MBNL2: variants seen among roughly 807,000 people sequenced by gnomAD.
The protein encoded by MBNL2 is muscleblind like splicing regulator 2.
MBNL2 carries 17 observed loss-of-function variants against 41.9 expected under a neutral mutation model. The ratio of observed to expected loss-of-function variants is 0.41; its 90% CI spans 0.28 to 0.61. MBNL2 has a LOEUF of 0.61. Among genes scored for constraint, MBNL2 ranks in the 20% least tolerant of loss-of-function variants. The pLI is 0.35. For missense variants in MBNL2, 336 were observed against 505.6 expected (o/e 0.66, Z 3.22); for synonymous variants, 195 against 182.9 (o/e 1.07, Z -0.53).
chr13:97,284,714 G>A (rs1359987216), intron 2 of MBNL2, among the ~76,000 whole-genome samples: 1 of 152,176 alleles, frequency 6.6e-6, no homozygotes, highest in African/African-American at 2.4e-5. Flanking sequence ...GATTTGGCAA[G>A]AGAGAGGAGG....
intron 8 of MBNL2, among the ~76,000 whole-genome samples, chr13:97,387,243 A>G (rs924537426): frequency 3.9e-5 from 6 of 152,110 alleles, no homozygotes; most frequent in Non-Finnish European, 7.4e-5. Flanking sequence ...TCCTACCGTC[A>G]TAGTTTGCCA....
intron 2 of MBNL2, among the ~76,000 whole-genome samples, chr13:97,289,800 T>C (rs2055447853): frequency 6.6e-6 from 1 of 152,172 alleles, no homozygotes; most frequent in Non-Finnish European, 1.5e-5. Context: ...CTGAAGAAAC[T>C]ATAAGCAGAC....
the MBNL2 span, among the ~76,000 whole-genome samples, chr13:97,195,517 T>C: frequency 3.1e-4 from 47 of 152,200 alleles, no homozygotes; most frequent in Admixed American, 5.2e-4. Flanking sequence ...TGAATAAATA[T>C]GCTTGTTTGT....
intron 2 of MBNL2, among the ~76,000 whole-genome samples, chr13:97,312,259 C>T (rs559064297): frequency 6.6e-6 from 1 of 152,342 alleles, no homozygotes; most frequent in East Asian, 1.9e-4. Context: ...CGGAAAACAT[C>T]ATCTCAGTTG....
chr13:97,276,513 C>A, intron 2 of MBNL2, 104 bp downstream of exon 2: 1 of 1,127,166 alleles, frequency 8.9e-7, no homozygotes, highest in Non-Finnish European at 1.3e-6. Context: ...CTTTTAGATT[C>A]TATTTTCTTG....
chr13:97,165,181 G>A, the MBNL2 span, among the ~76,000 whole-genome samples: 5 of 151,996 alleles, frequency 3.3e-5, no homozygotes, highest in Admixed American at 6.6e-5. Flanking sequence ...TCCAGCCTGG[G>A]CAACAGATCA....
Position 97,357,584 on chromosome 13 carries a change from C to T in MBNL2, c.961C>T (p.Gln321Ter). The T allele has an allele frequency of 6.2e-7, 1 of 1,614,036 alleles. No homozygotes were observed. Among genetic ancestry groups the T allele is most frequent in the Non-Finnish European group, 8.5e-7 (1 of 1,179,916 alleles). Reference sequence around the variant, plus strand: ...TAACCCCAGCGTCTTGCACTACCAGCAGGCTCTCACCAGCGCACAGTTGCA... The same window carrying T: ...TAACCCCAGCGTCTTGCACTACCAGTAGGCTCTCACCAGCGCACAGTTGCA... ...VFNPSVLHYQQALTSAQLQQH... is the reference protein window; with the variant it reads ...VFNPSVLHYQ The change falls in exon 7 of 9, where the codon CAG (glutamine) becomes TAG (stop). Residue 321 changes from glutamine (Q) to a stop codon, truncating the protein, a stop_gained. Coordinates refer to ENST00000679496, the MANE Select transcript of MBNL2 (RefSeq NM_001382683.1). LOFTEE classifies it high-confidence loss of function.
chr13:97,285,757 G>T (rs765517618), intron 2 of MBNL2, among the ~76,000 whole-genome samples: 6 of 150,936 alleles, frequency 4.0e-5, no homozygotes, highest in Non-Finnish European at 7.3e-5. Flanking sequence ...TGAGGGCACA[G>T]TGAATTTATC....
chr13:97,342,443 CA>C (rs889344784), intron 3 of MBNL2, among the ~76,000 whole-genome samples: 2 of 152,012 alleles, frequency 1.3e-5, no homozygotes, highest in African/African-American at 4.8e-5. Context: ...TGAACTACAG[CA>C]AAAAATCGTA....
At chr13:97,221,442 T>A (rs1416671659), upstream of MBNL2, 1 of 152,134 alleles carries the variant, frequency 6.6e-6, no homozygotes, top group African/African-American at 2.4e-5. Context: ...CTCAGGAAAC[T>A]CCAGCACCTC....
At chr13:97,233,109 C>T (rs761160383) in intron 1 of MBNL2, among the ~76,000 whole-genome samples, 2 of 126,478 alleles carry the variant, frequency 1.6e-5, no homozygotes, top group African/African-American at 3.0e-5. Context: ...TTGATGCTCT[C>T]GCTTCAGGCT....
intron 2 of MBNL2, among the ~76,000 whole-genome samples, chr13:97,307,853 C>T (rs558433675): frequency 3.6e-4 from 55 of 152,284 alleles, no homozygotes; most frequent in African/African-American, 1.1e-3. Flanking sequence ...CTCGAGGGCA[C>T]GGATCGTATT....
chr13:97,249,936 T>C (rs1408391844), intron 1 of MBNL2, among the ~76,000 whole-genome samples: 1 of 152,244 alleles, frequency 6.6e-6, no homozygotes, highest in East Asian at 1.9e-4. Flanking sequence ...TAAGTAACTT[T>C]AGAAATCTTC....
At chr13:97,374,485 C>G (rs1255931863) in intron 8 of MBNL2, among the ~76,000 whole-genome samples, 3 of 151,302 alleles carry the variant, frequency 2.0e-5, no homozygotes, top group African/African-American at 7.3e-5. Context: ...CCTGCGCCTC[C>G]CAGGTTCAAA....
the MBNL2 span, among the ~76,000 whole-genome samples, chr13:97,203,387 G>C: frequency 6.6e-6 from 1 of 152,112 alleles, no homozygotes; most frequent in Non-Finnish European, 1.5e-5. Context: ...ATATGACTCT[G>C]TACACCACCT....
At chr13:97,217,141 A>G (rs1292533844), upstream of MBNL2, among the ~76,000 whole-genome samples, 1 of 149,102 alleles carries the variant, frequency 6.7e-6, no homozygotes, top group Non-Finnish European at 1.5e-5. Flanking sequence ...TACACATATT[A>G]TATATAATAA....
chr13:97,329,250 C>A (rs1018093923), intron 2 of MBNL2, among the ~76,000 whole-genome samples: 1 of 152,080 alleles, frequency 6.6e-6, no homozygotes, highest in African/African-American at 2.4e-5. Flanking sequence ...GTAGAAACTG[C>A]ACAAATCCAA....
intron 2 of MBNL2, among the ~76,000 whole-genome samples, chr13:97,331,286 A>G (rs2060414943): frequency 6.6e-6 from 1 of 152,234 alleles, no homozygotes; most frequent in Non-Finnish European, 1.5e-5. Flanking sequence ...TAATTATTTC[A>G]TTGAACGGAT....
intron 2 of MBNL2, among the ~76,000 whole-genome samples, chr13:97,281,557 G>C (rs531769556): frequency 1.3e-5 from 2 of 152,296 alleles, no homozygotes; most frequent in South Asian, 4.2e-4. Flanking sequence ...CTGTAATGTA[G>C]CTGATGGCAG....
Sources: gnomAD v4.1 joint callset for allele counts (sites outside exome capture counted in the v4.1 genomes callset) on GRCh38, gnomAD v4.1.1 for gene constraint, MANE v1.5 for transcripts, NCBI Gene and HGNC (gene_info 2026-07-23, HGNC 2026-07-21) for gene names.